TMEFF1: variants seen among roughly 807,000 people sequenced by gnomAD.
The protein encoded by TMEFF1 is transmembrane protein with EGF like and two follistatin like domains 1.
A neutral mutation model predicts 47.5 loss-of-function variants in TMEFF1; 20 were observed. The observed-to-expected ratio is 0.42, with a 90% confidence interval of 0.30 to 0.61. TMEFF1 has a LOEUF of 0.61. TMEFF1 is among the 20% of genes least tolerant of loss of function. TMEFF1 has a pLI of 0.19. For missense variants in TMEFF1, 411 were observed against 471.1 expected, an observed-to-expected ratio of 0.87 and a Z score of 1.18; for synonymous variants, 162 against 166.3, an observed-to-expected ratio of 0.97 and a Z score of 0.20.
intron 3 of TMEFF1, among the ~76,000 whole-genome samples, chr9:100,511,754 C>A (rs935755551): frequency 1.3e-5 from 2 of 152,006 alleles, no homozygotes; most frequent in African/African-American, 4.8e-5. Flanking sequence ...GACATAAGTA[C>A]CTCCAGCCAA....
chr9:100,533,213 A>G (rs1483295782), intron 5 of TMEFF1, among the ~76,000 whole-genome samples: 1 of 152,050 alleles, frequency 6.6e-6, no homozygotes, highest in Admixed American at 6.6e-5. Context: ...CAATGTGCAC[A>G]TGTACCGTAG....
chr9:100,529,658 C>T (rs1042507279), intron 5 of TMEFF1, among the ~76,000 whole-genome samples: 2 of 152,138 alleles, frequency 1.3e-5, no homozygotes, highest in Non-Finnish European at 2.9e-5. Flanking sequence ...CTTTTAACAC[C>T]CCACTGTCAA....
At chr9:100,505,312 T>G (rs1189278068) in intron 2 of TMEFF1, among the ~76,000 whole-genome samples, 1 of 144,094 alleles carries the variant, frequency 6.9e-6, no homozygotes. Context: ...CTTGGGAGGC[T>G]GAGGCAGGAG....
intron 1 of TMEFF1, among the ~76,000 whole-genome samples, chr9:100,477,853 C>T (rs1411736101): frequency 6.6e-6 from 1 of 152,022 alleles, no homozygotes; most frequent in Non-Finnish European, 1.5e-5. Context: ...TCTCGAACTC[C>T]TGAGCTCAGG....
intron 6 of TMEFF1, 68 bp from the exon 7 acceptor site, chr9:100,550,027 A>G: frequency 1.9e-6 from 3 of 1,538,778 alleles, no homozygotes; most frequent in South Asian, 1.3e-5. Flanking sequence ...ATTTGGAATT[A>G]TTGGGAGTAT....
chr9:100,475,715 CTGTGTGTG>C lies in TMEFF1; in HGVS notation c.196+2009_196+2016del, dbSNP rs3055671. Among the ~76,000 whole-genome samples the C allele has an allele frequency of 4.0e-3, 557 of 140,924 alleles. 4 individuals carry two copies. The highest frequency in any genetic ancestry group is 0.012 in the African/African-American group (460 of 38,038). The allele number at this position is 140,924 out of a possible 152,430, so 92.5% of individuals were successfully genotyped here. A position where few individuals can be genotyped will look rare whatever the true frequency, so the allele number is the denominator to read the frequency against. On this transcript the variant is annotated intron_variant, in intron 1 of 9. Transcript: ENST00000374879. ...GATGTGGGTTGGTGATGCAGAGCGA[CTGTGTGTG>C]TGTGTGTGTGTGTGTGTGTGTGTGT...
chr9:100,485,742 T>A (rs1489562948), intron 1 of TMEFF1, among the ~76,000 whole-genome samples: 1 of 152,220 alleles, frequency 6.6e-6, no homozygotes, highest in African/African-American at 2.4e-5. Context: ...TATTATTAGC[T>A]TCTTGAGCAT....
intron 4 of TMEFF1, among the ~76,000 whole-genome samples, chr9:100,515,728 G>A (rs940875011): frequency 6.6e-6 from 1 of 151,966 alleles, no homozygotes; most frequent in Non-Finnish European, 1.5e-5. Context: ...AGAGGTTCAA[G>A]TGATTCTCCA....
At chr9:100,483,449 A>G (rs949734330) in intron 1 of TMEFF1, among the ~76,000 whole-genome samples, 2 of 152,186 alleles carry the variant, frequency 1.3e-5, no homozygotes, top group African/African-American at 4.8e-5. Context: ...GTGAGCCGAG[A>G]TCGCACCGTT....
intron 8 of TMEFF1, among the ~76,000 whole-genome samples, chr9:100,567,314 C>G: frequency 6.6e-6 from 1 of 152,176 alleles, no homozygotes; most frequent in East Asian, 1.9e-4. Flanking sequence ...TCTTTACTCA[C>G]GTGTTACCTT....
chr9:100,512,111 C>T (rs1047796871), intron 3 of TMEFF1, among the ~76,000 whole-genome samples: 8 of 152,016 alleles, frequency 5.3e-5, no homozygotes, highest in African/African-American at 1.2e-4. Flanking sequence ...TATGTGGAAT[C>T]GAAGTAATAA....
intron 8 of TMEFF1, among the ~76,000 whole-genome samples, chr9:100,571,849 G>A (rs1839244947): frequency 6.6e-6 from 1 of 152,132 alleles, no homozygotes; most frequent in African/African-American, 2.4e-5. Flanking sequence ...CAGATCCTTA[G>A]GCATTAGATT....
intron 2 of TMEFF1, among the ~76,000 whole-genome samples, chr9:100,502,549 C>T (rs1036398743): frequency 1.1e-4 from 17 of 151,904 alleles, no homozygotes; most frequent in African/African-American, 4.1e-4. Flanking sequence ...TTTTTTGTAG[C>T]GCCAAGACCT....
rs1478696445 is a variant in TMEFF1 at position 100,509,066 on chromosome 9, T to C, written c.368T>C (p.Phe123Ser). 1 of 1,603,582 alleles carries C rather than the reference T, an allele frequency of 6.2e-7. No individual in the cohort carries two copies. Among genetic ancestry groups the C allele is most frequent in the Non-Finnish European group, 8.5e-7 (1 of 1,175,772 alleles). ...SNGDTYQNEC[F>S]LRRAACKHQK... ...GGGGACACTTATCAAAATGAATGCT[T>C]TCTCAGAAGGGCTGCTTGTAAGCAC... Residue 123 changes from phenylalanine to serine, a missense_variant, in exon 3 of 10, where the codon TTT becomes TCT. Coordinates refer to ENST00000374879, the MANE Select transcript of TMEFF1 (RefSeq NM_003692.5).
At chr9:100,479,280 T>C (rs1237033970) in intron 1 of TMEFF1, among the ~76,000 whole-genome samples, 1 of 152,234 alleles carries the variant, frequency 6.6e-6, no homozygotes, top group African/African-American at 2.4e-5. Context: ...TATAATCTTA[T>C]AGAGGTGGTT....
At chr9:100,538,312 T>A (rs949966491) in intron 5 of TMEFF1, among the ~76,000 whole-genome samples, 6 of 152,194 alleles carry the variant, frequency 3.9e-5, no homozygotes, top group Admixed American at 3.9e-4. Context: ...CGCCTCGGCC[T>A]CCCAAAGTGT....
intron 8 of TMEFF1, among the ~76,000 whole-genome samples, chr9:100,568,257 T>G (rs1444033070): frequency 6.6e-6 from 1 of 152,210 alleles, no homozygotes; most frequent in Non-Finnish European, 1.5e-5. Context: ...GCCAAACCAT[T>G]AGAGAGCTGC....
At chr9:100,483,325 C>T (rs1028703620) in intron 1 of TMEFF1, among the ~76,000 whole-genome samples, 2 of 151,910 alleles carry the variant, frequency 1.3e-5, no homozygotes, top group African/African-American at 4.8e-5. Context: ...GATGAAAACT[C>T]GTCTCTATTA....
intron 1 of TMEFF1, among the ~76,000 whole-genome samples, chr9:100,481,315 T>A (rs1837334649): frequency 6.6e-6 from 1 of 152,234 alleles, no homozygotes; most frequent in South Asian, 2.1e-4. Flanking sequence ...GTGCCCAGAT[T>A]GGTGTCTGGT....
Sources: gnomAD v4.1 joint callset for allele counts (sites outside exome capture counted in the v4.1 genomes callset) on GRCh38, gnomAD v4.1.1 for gene constraint, MANE v1.5 for transcripts, NCBI Gene and HGNC (gene_info 2026-07-23, HGNC 2026-07-21) for gene names.